The following BTN3A1 variants were observed in gnomAD, a reference collection of about 807,000 sequenced individuals.
BTN3A1 encodes butyrophilin subfamily 3 member A1.
Under a neutral mutation model 43.0 loss-of-function variants are expected in BTN3A1, and 24 were observed. The ratio of observed to expected loss-of-function variants is 0.56; its 90% CI spans 0.40 to 0.78. BTN3A1 has a LOEUF of 0.78. BTN3A1 is among the 30% of genes least tolerant of loss of function. The pLI is 0.00. For missense variants in BTN3A1, 533 were observed against 626.2 expected, an observed-to-expected ratio of 0.85 and a Z score of 1.59; for synonymous variants, 181 against 234.7, an observed-to-expected ratio of 0.77 and a Z score of 2.09.
At chr6:26,408,102 G>C in intron 4 of BTN3A1, 150 bp downstream of exon 4, 2 of 1,290,608 alleles carry the variant, frequency 1.5e-6, no homozygotes, top group South Asian at 3.1e-5. Flanking sequence ...CACCGGGGGA[G>C]CTTCTCTTCT....
At chr6:26,406,386 T>C in intron 3 of BTN3A1, 130 bp downstream of exon 3, 2 of 593,464 alleles carry the variant, frequency 3.4e-6, no homozygotes, top group South Asian at 2.0e-5. Context: ...CCTCCCAACT[T>C]AGCTTCTCTG....
rs1010884040 is a variant in BTN3A1, at chr6:26,413,751, A to T, written c.*59A>T. On this transcript the variant is annotated 3_prime_UTR_variant, in exon 10 of 10. Transcript: ENST00000289361. ...GTGCTGATCATTCCCTAGAGACACC[A>T]GTAACCCCGGGCTTAGCTAACGAAA... 2 of 1,605,774 alleles carry T rather than the reference A, an allele frequency of 1.2e-6. No homozygotes were observed. The highest frequency in any genetic ancestry group is 2.2e-5 in the East Asian group (1 of 44,886).
At position 26,409,882 on chromosome 6, in the gene BTN3A1, C is replaced by T. The variant is rs923911472; in HGVS notation, c.917-12C>T. 1 of 1,614,138 alleles carries T rather than the reference C, an allele frequency of 6.2e-7. No individual in the cohort carries two copies. On this transcript the variant is annotated splice_polypyrimidine_tract_variant and intron_variant, in intron 5 of 9. Transcript: ENST00000289361. Reference sequence around the variant, plus strand: ...CTGTAACAGTTCATTATTATTTCTGCTTATTTTCCAGTGAAGCTCCTGGAG... The same window carrying T: ...CTGTAACAGTTCATTATTATTTCTGTTTATTTTCCAGTGAAGCTCCTGGAG...
chr6:26,412,756 T>G (rs917505104), intron 9 of BTN3A1: 2 of 1,551,402 alleles, frequency 1.3e-6, no homozygotes, highest in Non-Finnish European at 1.7e-6. Context: ...ATTGGATGTA[T>G]GGAAAAATAG....
At chr6:26,410,331 C>G (rs1762166932) in intron 7 of BTN3A1, among the ~76,000 whole-genome samples, 1 of 152,042 alleles carries the variant, frequency 6.6e-6, no homozygotes, top group Non-Finnish European at 1.5e-5. Context: ...CAATTTATCT[C>G]TACCAGGGGC....
intron 6 of BTN3A1, 35 bp from the exon 7 acceptor site, chr6:26,409,971 C>A (rs1424383409): frequency 6.2e-7 from 1 of 1,614,178 alleles, no homozygotes; most frequent in East Asian, 2.2e-5. Flanking sequence ...GCTTTATGCG[C>A]CTTGATGCAT....
rs1465691526 is a variant in BTN3A1, at chr6:26,407,380, G to A, written c.434-291G>A. ...CTGCATTGCCTTGCTGAAGGTCATTGCCCCTCTCAAGAAAGTCCTTAATGC... is the reference window on the plus strand; with the variant it reads ...CTGCATTGCCTTGCTGAAGGTCATTACCCCTCTCAAGAAAGTCCTTAATGC... On this transcript the variant is annotated intron_variant, in intron 3 of 9. Coordinates refer to ENST00000289361, the MANE Select transcript of BTN3A1 (RefSeq NM_007048.6). 2.6e-5 allele frequency among the ~76,000 whole-genome samples: 4 copies of A among 152,122 alleles called. No homozygotes were observed. In the East Asian group the frequency reaches 7.7e-4, roughly 29 times the overall value.
chr6:26,408,354 A>G (rs1561845985), intron 4 of BTN3A1, among the ~76,000 whole-genome samples: 1 of 152,256 alleles, frequency 6.6e-6, no homozygotes, highest in Non-Finnish European at 1.5e-5. Context: ...TTTAATTTAC[A>G]GAAAAGGAAA....
At chr6:26,407,217 T>G in intron 3 of BTN3A1, among the ~76,000 whole-genome samples, 1 of 152,196 alleles carries the variant, frequency 6.6e-6, no homozygotes. Context: ...TCTTTCTTAG[T>G]GCAATGCTTT....
intron 7 of BTN3A1, among the ~76,000 whole-genome samples, 188 bp from the exon 8 acceptor site, chr6:26,410,921 C>T (rs1489788977): frequency 6.9e-6 from 1 of 144,236 alleles, no homozygotes; most frequent in Non-Finnish European, 1.5e-5. Context: ...CACTAGCATT[C>T]GACTGATGTT....
chr6:26,407,270 T>C (rs1762051383), intron 3 of BTN3A1, among the ~76,000 whole-genome samples: 1 of 152,192 alleles, frequency 6.6e-6, no homozygotes. Context: ...CAGGGATCTG[T>C]AGCAGACGAT....
chr6:26,414,022 C>T lies in BTN3A1; in HGVS notation c.*330C>T. On this transcript the variant is annotated 3_prime_UTR_variant, in exon 10 of 10. Coordinates refer to ENST00000289361, the MANE Select transcript of BTN3A1 (RefSeq NM_007048.6). Reference sequence around the variant, plus strand: ...TGAATTGACTACAAAGTAGACATGACTAGTTAACAACACAGCTGGGATCTA... The same window carrying T: ...TGAATTGACTACAAAGTAGACATGATTAGTTAACAACACAGCTGGGATCTA... The T allele has an allele frequency of 2.7e-6, 1 of 370,346 alleles. No individual in the cohort carries two copies. The highest frequency in any genetic ancestry group is 5.1e-6 in the Non-Finnish European group (1 of 196,288). 22.9% of individuals were successfully genotyped at this position (370,346 alleles called of 1,614,324 possible).
intron 1 of BTN3A1, among the ~76,000 whole-genome samples, chr6:26,404,921 C>A (rs1761962413): frequency 6.6e-6 from 1 of 152,180 alleles, no homozygotes; most frequent in Non-Finnish European, 1.5e-5. Context: ...ATGGGCCTGG[C>A]CCCTTGTGGG....
chr6:26,412,376 G>A, intron 9 of BTN3A1: 1 of 774,740 alleles, frequency 1.3e-6, no homozygotes. Context: ...TAAACGGTGT[G>A]TCTCTCCTTT....
At chr6:26,403,223 A>G (rs933426210) in intron 1 of BTN3A1, among the ~76,000 whole-genome samples, 14 of 151,904 alleles carry the variant, frequency 9.2e-5, no homozygotes, top group African/African-American at 3.4e-4. Flanking sequence ...ACGCCACCAC[A>G]CCCAGCTAGT....
chr6:26,407,821 T>A lies in BTN3A1; in HGVS notation c.584T>A (p.Val195Asp). 1 of 1,614,206 alleles carries A rather than the reference T, an allele frequency of 6.2e-7. No individual in the cohort carries two copies. The highest frequency in any genetic ancestry group is 1.1e-5 in the South Asian group (1 of 91,078). The change falls in exon 4 of 10, where the codon GTT (valine) becomes GAT (aspartate). Residue 195 changes from valine to aspartate, a missense_variant. By Grantham distance (152) the Val-to-Asp change is radical (BLOSUM62 -3). This residue lies in a region of BTN3A1 where 415 missense variants were observed against 427.0 expected (regional missense o/e 0.97). Transcript: ENST00000289361. ...ENIPTVEAPV[V>D]ADGVGLYAVA... ...ATCCCGACTGTGGAAGCACCTGTGG[T>A]TGCAGACGGAGTGGGCCTGTATGCA...
intron 1 of BTN3A1, among the ~76,000 whole-genome samples, chr6:26,405,142 G>A (rs956707630): frequency 2.0e-4 from 30 of 152,210 alleles, no homozygotes; most frequent in African/African-American, 7.2e-4. Flanking sequence ...ATGGCCAAGA[G>A]TTGGGGCTTT....
At chr6:26,404,602 G>C (rs1244556804) in intron 1 of BTN3A1, 1 of 152,152 alleles carries the variant, frequency 6.6e-6, no homozygotes, top group African/African-American at 2.4e-5. Context: ...GGGATGAGCC[G>C]TCATTCCTCT....
chr6:26,411,025 A>AAAAAAAAAAAT, intron 7 of BTN3A1, 84 bp from the exon 8 acceptor site: 4 of 796,990 alleles, frequency 5.0e-6, no homozygotes, highest in South Asian at 1.9e-5. Flanking sequence ...AAAAAAAAAG[A>AAAAAAAAAAAT]TTAGATGGAT....
Sources: gnomAD v4.1 joint callset for allele counts (sites outside exome capture counted in the v4.1 genomes callset) on GRCh38, gnomAD v4.1.1 for gene constraint, gnomAD v4.1.1 regional missense constraint, MANE v1.5 for transcripts, NCBI Gene and HGNC (gene_info 2026-07-23, HGNC 2026-07-21) for gene names.